The following FSTL4 variants were observed in gnomAD, a reference collection of about 807,000 sequenced individuals.
FSTL4 encodes the protein follistatin-related protein 4.
Under a neutral mutation model 78.2 loss-of-function variants are expected in FSTL4, and 28 were observed. The ratio of observed to expected loss-of-function variants is 0.36; its 90% confidence interval spans 0.27 to 0.49. FSTL4 has a LOEUF of 0.49. FSTL4 is among the 20% of genes least tolerant of loss of function. FSTL4 has a pLI of 0.98. For synonymous variants in FSTL4, 422 were observed against 440.5 expected (o/e 0.96, Z 0.53); for missense variants, 922 against 1,084.9 (o/e 0.85, Z 2.11).
chr5:133,766,810 A>T, the FSTL4 span, among the ~76,000 whole-genome samples: 1 of 152,230 alleles, frequency 6.6e-6, no homozygotes, highest in Admixed American at 6.5e-5. Flanking sequence ...TCCAACAAAC[A>T]ATATAATGTA....
intron 7 of FSTL4, among the ~76,000 whole-genome samples, chr5:133,233,900 A>C (rs1294842568): frequency 6.6e-6 from 1 of 152,090 alleles, no homozygotes; most frequent in East Asian, 1.9e-4. Context: ...TGCTCACCTG[A>C]TGAGCAGCTC....
the FSTL4 span, among the ~76,000 whole-genome samples, chr5:133,691,515 G>A: frequency 6.6e-6 from 1 of 152,054 alleles, no homozygotes; most frequent in Non-Finnish European, 1.5e-5. Context: ...TGAAGGCGTG[G>A]ACCTCCCACA....
chr5:133,426,643 C>G lies in FSTL4; in HGVS notation c.161-25657G>C, dbSNP rs979868341. On this transcript the variant is annotated intron_variant, in intron 3 of 15. Coordinates refer to ENST00000265342, the MANE Select transcript of FSTL4 (RefSeq NM_015082.2). The surrounding 1 kb of genome is among the most constrained non-coding windows in gnomAD (Gnocchi z 5.0). Reference sequence around the variant, plus strand: ...TCACTGGGTGGCTGGGGAGTGGAGGCAAAAGTAGTAGAAGCGGTGGCAATG... The same window carrying G: ...TCACTGGGTGGCTGGGGAGTGGAGGGAAAAGTAGTAGAAGCGGTGGCAATG... 3.3e-5 allele frequency among the ~76,000 whole-genome samples: 5 copies of G among 152,090 alleles called. No homozygotes were observed. Among genetic ancestry groups the G allele is most frequent in the Non-Finnish European group, 4.4e-5 (3 of 68,016 alleles).
At chr5:133,261,892 T>C in intron 6 of FSTL4, among the ~76,000 whole-genome samples, 1 of 151,508 alleles carries the variant, frequency 6.6e-6, no homozygotes, top group East Asian at 1.9e-4. Flanking sequence ...CTCAGGAGGC[T>C]GAGGTGGGAG....
the FSTL4 span, among the ~76,000 whole-genome samples, chr5:133,770,966 T>C: frequency 0.01 from 1,547 of 152,184 alleles, 38 homozygotes; most frequent in African/African-American, 0.035. Context: ...ACAGCATCAT[T>C]TATTGAATAG....
chr5:133,311,671 C>T (rs1292108699), intron 6 of FSTL4, among the ~76,000 whole-genome samples: 1 of 152,138 alleles, frequency 6.6e-6, no homozygotes, highest in East Asian at 1.9e-4. Flanking sequence ...CAGGTAAAGG[C>T]TGGGGTTGAG....
At chr5:133,289,872 G>C (rs948616232) in intron 6 of FSTL4, among the ~76,000 whole-genome samples, 10 of 152,244 alleles carry the variant, frequency 6.6e-5, no homozygotes, top group African/African-American at 2.4e-4. Flanking sequence ...TTGGCTGTCA[G>C]TTCACTTGAC....
Position 133,466,246 on chromosome 5 carries a change from A to T in FSTL4, c.161-65260T>A, listed in dbSNP as rs532336728. Among the ~76,000 whole-genome samples, 5 of 152,316 alleles carry T rather than the reference A, an allele frequency of 3.3e-5. No individual in the cohort carries two copies. The South Asian group carries it at 8.3e-4, about 25-fold the overall frequency. On this transcript the variant is annotated intron_variant, in intron 3 of 15. Coordinates refer to ENST00000265342, the MANE Select transcript of FSTL4 (RefSeq NM_015082.2). ...AGTTGAGGTAGAAGAATTCCTTGGGACAAGAACACTTACCGGCCAGGTGCG... is the reference window on the plus strand; with the variant it reads ...AGTTGAGGTAGAAGAATTCCTTGGGTCAAGAACACTTACCGGCCAGGTGCG...
At chr5:133,527,035 C>T (rs59379889) in intron 3 of FSTL4, among the ~76,000 whole-genome samples, 7,101 of 152,226 alleles carry the variant, frequency 0.047, 574 homozygotes, top group African/African-American at 0.16. Flanking sequence ...ATCCTGAGTG[C>T]AGCCCTCTGT....
At chr5:133,767,716 G>A in the FSTL4 span, among the ~76,000 whole-genome samples, 3 of 152,230 alleles carry the variant, frequency 2.0e-5, no homozygotes, top group Non-Finnish European at 4.4e-5. Flanking sequence ...AGGAAGACAG[G>A]AGGGAACACA....
chr5:133,347,377 G>A (rs1754719468), intron 4 of FSTL4, among the ~76,000 whole-genome samples: 1 of 152,128 alleles, frequency 6.6e-6, no homozygotes, highest in South Asian at 2.1e-4. Flanking sequence ...TTGATACAGA[G>A]TCTCTGTTGC....
the FSTL4 span, among the ~76,000 whole-genome samples, chr5:133,739,216 A>G: frequency 6.6e-6 from 1 of 152,124 alleles, no homozygotes; most frequent in Admixed American, 6.5e-5. Context: ...AAATAATCAC[A>G]AACTGCTGAT....
chr5:133,536,444 T>A (rs1288159513), intron 3 of FSTL4, among the ~76,000 whole-genome samples: 1 of 152,216 alleles, frequency 6.6e-6, no homozygotes, highest in African/African-American at 2.4e-5. Flanking sequence ...TTGTTTAGTA[T>A]GCTATGACAT....
At chr5:133,509,939 C>T (rs1758690659) in intron 3 of FSTL4, among the ~76,000 whole-genome samples, 1 of 152,208 alleles carries the variant, frequency 6.6e-6, no homozygotes, top group Non-Finnish European at 1.5e-5. Flanking sequence ...GACCACAGAG[C>T]TCTAGGGACA....
intron 6 of FSTL4, among the ~76,000 whole-genome samples, chr5:133,267,285 C>T (rs1752665587): frequency 6.6e-6 from 1 of 152,182 alleles, no homozygotes; most frequent in African/African-American, 2.4e-5. Context: ...ACTGTGTTTG[C>T]ATGGGGCTGT....
intron 3 of FSTL4, among the ~76,000 whole-genome samples, chr5:133,457,413 C>T (rs1345483796): frequency 6.6e-6 from 1 of 152,248 alleles, no homozygotes; most frequent in African/African-American, 2.4e-5. Flanking sequence ...TGGGTGGTAC[C>T]TGGTATGCAT....
In FSTL4 at chr5:133,312,699, T is replaced by G. The variant is rs1363156065; in HGVS notation, c.682A>C (p.Asn228His). 1 of 1,614,034 alleles carries G rather than the reference T, an allele frequency of 6.2e-7. No homozygotes were observed. Among genetic ancestry groups the G allele is most frequent in the Non-Finnish European group, 8.5e-7 (1 of 1,179,902 alleles). Residue 228 changes from asparagine to histidine, a missense_variant, in exon 6 of 16, where the codon AAC becomes CAC. Physicochemically the swap from Asn to His is moderately conservative, Grantham distance 68. Transcript: ENST00000265342. ...PGDLLRFDDY[N>H]SDSSLTLREF... ...CGGAGGGTCAGGGAGCTGTCACTGT[T>G]GTAATCGTCAAATCGGAGGAGGTCA...
the FSTL4 span, among the ~76,000 whole-genome samples, chr5:133,703,417 T>C: frequency 6.6e-6 from 1 of 152,218 alleles, no homozygotes; most frequent in Non-Finnish European, 1.5e-5. Context: ...CTCTGTGGAC[T>C]GTCACTTAGA....
At chr5:133,631,698 T>G in the FSTL4 span, among the ~76,000 whole-genome samples, 1 of 152,130 alleles carries the variant, frequency 6.6e-6, no homozygotes, top group South Asian at 2.1e-4. Flanking sequence ...CACATGCACA[T>G]GTATGTTTAC....
Sources: allele counts gnomAD v4.1 joint callset (sites outside exome capture counted in the v4.1 genomes callset), GRCh38; gene constraint gnomAD v4.1.1; non-coding constraint Gnocchi (gnomAD v3.1); transcripts MANE v1.5; gene names NCBI Gene and HGNC (gene_info 2026-07-23, HGNC 2026-07-21).